Variants in UMAD1 observed in about 807,000 individuals in gnomAD.
The protein encoded by UMAD1 is UBAP1-MVB12-associated (UMA) domain containing 1.
In UMAD1, 8 loss-of-function variants were observed where a neutral mutation model predicts 6.1. The observed-to-expected ratio is 1.30, with a 90% CI of 0.76 to 2.35. The LOEUF is 2.35. UMAD1 is among the 30% of genes most tolerant of loss of function. The pLI is 0.00. For synonymous variants in UMAD1, 56 were observed against 31.4 expected (o/e 1.78, Z -2.61); for missense variants, 130 against 78.4 (o/e 1.66, Z -2.49).
At chr7:7,716,791 A>T (rs2115177639) in intron 2 of UMAD1, among the ~76,000 whole-genome samples, 1 of 152,280 alleles carries the variant, frequency 6.6e-6, no homozygotes, top group East Asian at 1.9e-4. Flanking sequence ...TAAAAGCACA[A>T]AAAAATTAGG....
chr7:7,778,477 G>A (rs1056374358), intron 2 of UMAD1, among the ~76,000 whole-genome samples: 3 of 151,162 alleles, frequency 2.0e-5, no homozygotes, highest in African/African-American at 7.3e-5. Flanking sequence ...ATGCTGGAGT[G>A]CAGGGGTGCG....
chr7:7,788,309 T>A (rs1341712124), intron 2 of UMAD1, among the ~76,000 whole-genome samples: 1 of 152,162 alleles, frequency 6.6e-6, no homozygotes, highest in African/African-American at 2.4e-5. Context: ...TGAGTACATA[T>A]TGTTAGCTGG....
intron 1 of UMAD1, among the ~76,000 whole-genome samples, chr7:7,646,223 C>T (rs1785090386): frequency 1.3e-5 from 2 of 152,158 alleles, no homozygotes; most frequent in African/African-American, 4.8e-5. Flanking sequence ...AATCAGGTTA[C>T]ATGGGCTTGA....
At position 7,877,775 on chromosome 7, in the gene UMAD1, G is replaced by A. The variant is rs1398357124; in HGVS notation, c.*237G>A. On this transcript the variant is annotated 3_prime_UTR_variant, in exon 4 of 4. Transcript: ENST00000682710. ...TAAATATACAAATTAGGCTATGAAGGTTTTAGGAAAGGACTCGATTCCTTC... is the reference window on the plus strand; with the variant it reads ...TAAATATACAAATTAGGCTATGAAGATTTTAGGAAAGGACTCGATTCCTTC... 6.4e-6 allele frequency: 3 copies of A among 466,006 alleles called. No homozygotes were observed. The highest frequency in any genetic ancestry group is 3.7e-5 in the Admixed American group (1 of 26,766). The allele number at this position is 466,006 out of a possible 1,614,324, so 28.9% of individuals were successfully genotyped here. A position where few individuals can be genotyped will look rare whatever the true frequency, so the allele number is the denominator to read the frequency against.
At chr7:7,823,512 G>A (rs1033620645) in intron 3 of UMAD1, among the ~76,000 whole-genome samples, 7 of 151,906 alleles carry the variant, frequency 4.6e-5, no homozygotes, top group African/African-American at 7.3e-5. Flanking sequence ...CCTGCACTCC[G>A]TTTGCCCAAT....
intron 3 of UMAD1, among the ~76,000 whole-genome samples, chr7:7,835,500 T>TTTTTTTTTTTTTTTTTTA (rs776524699): frequency 2.0e-5 from 2 of 102,444 alleles, no homozygotes; most frequent in Non-Finnish European, 4.0e-5. Flanking sequence ...TTTTTTTTTT[T>TTTTTTTTTTTTTTTTTTA]AGCTCTTAGC....
intron 2 of UMAD1, among the ~76,000 whole-genome samples, chr7:7,697,110 T>G (rs1780339257): frequency 1.3e-5 from 2 of 152,162 alleles, no homozygotes; most frequent in African/African-American, 4.8e-5. Flanking sequence ...TCAGATTGTT[T>G]TGCTTTTCTT....
At chr7:7,648,209 G>A (rs1859605) in intron 1 of UMAD1, among the ~76,000 whole-genome samples, 46,595 of 152,040 alleles carry the variant, frequency 0.31, 9,070 homozygotes, top group East Asian at 0.79. Flanking sequence ...TTGCCTAGAT[G>A]TATGGGGGAT....
At chr7:7,729,435 A>G (rs1251892059) in intron 2 of UMAD1, among the ~76,000 whole-genome samples, 1 of 152,182 alleles carries the variant, frequency 6.6e-6, no homozygotes, top group Non-Finnish European at 1.5e-5. Context: ...TCTCAGACAG[A>G]TGCTCTCCAT....
chr7:7,847,070 A>G (rs867072164), intron 3 of UMAD1, among the ~76,000 whole-genome samples: 1 of 84,422 alleles, frequency 1.2e-5, no homozygotes, highest in Non-Finnish European at 2.7e-5. Context: ...AAAAAAAAAA[A>G]AAAAAAGACA....
chr7:7,793,461 G>A (rs1011557693), intron 2 of UMAD1, among the ~76,000 whole-genome samples: 1 of 152,172 alleles, frequency 6.6e-6, no homozygotes, highest in South Asian at 2.1e-4. Context: ...CACTCCCAGA[G>A]GGTATTTGCA....
At chr7:7,762,232 T>C (rs1781905252) in intron 2 of UMAD1, among the ~76,000 whole-genome samples, 1 of 152,188 alleles carries the variant, frequency 6.6e-6, no homozygotes, top group Admixed American at 6.5e-5. Context: ...GTCATATGGG[T>C]GTGTCTAATT....
intron 2 of UMAD1, among the ~76,000 whole-genome samples, chr7:7,694,934 C>G (rs568876727): frequency 6.6e-6 from 1 of 152,224 alleles, no homozygotes; most frequent in African/African-American, 2.4e-5. Context: ...TACGGTAGTT[C>G]TATTTTTAGT....
chr7:7,685,466 C>T (rs182667399), intron 2 of UMAD1, among the ~76,000 whole-genome samples: 18 of 152,100 alleles, frequency 1.2e-4, no homozygotes, highest in Admixed American at 5.2e-4. Flanking sequence ...TGCGCCACCA[C>T]GCCCACCAAG....
At chr7:7,704,860 A>G (rs1227407007) in intron 2 of UMAD1, among the ~76,000 whole-genome samples, 2 of 151,824 alleles carry the variant, frequency 1.3e-5, no homozygotes, top group Non-Finnish European at 2.9e-5. Context: ...AGGGTCATCA[A>G]TTGAAAAAAA....
chr7:7,705,672 A>C (rs1385745792), intron 2 of UMAD1, among the ~76,000 whole-genome samples: 1 of 152,162 alleles, frequency 6.6e-6, no homozygotes, highest in Non-Finnish European at 1.5e-5. Flanking sequence ...TGTTTTTAGG[A>C]TTTTTAGGGT....
intron 2 of UMAD1, among the ~76,000 whole-genome samples, chr7:7,766,154 G>A (rs995745289): frequency 1.3e-5 from 2 of 152,108 alleles, no homozygotes; most frequent in Admixed American, 1.3e-4. Flanking sequence ...GATTATAATA[G>A]AGCAGCCTTG....
intron 2 of UMAD1, among the ~76,000 whole-genome samples, chr7:7,792,070 C>A (rs1782577670): frequency 6.6e-6 from 1 of 152,198 alleles, no homozygotes; most frequent in Admixed American, 6.5e-5. Flanking sequence ...ACAGTCAAAT[C>A]AACAGATGTT....
At chr7:7,871,580 A>G (rs1784333720) in intron 3 of UMAD1, among the ~76,000 whole-genome samples, 1 of 152,210 alleles carries the variant, frequency 6.6e-6, no homozygotes, top group Admixed American at 6.5e-5. Context: ...AGCCTGACAC[A>G]GTGTTCCGTA....
Sources: allele counts gnomAD v4.1 joint callset (sites outside exome capture counted in the v4.1 genomes callset), GRCh38; gene constraint gnomAD v4.1.1; transcripts MANE v1.5; gene names NCBI Gene and HGNC (gene_info 2026-07-23, HGNC 2026-07-21).